The following KCNMB3 variants were observed in gnomAD, a reference collection of about 807,000 sequenced individuals.
The protein encoded by KCNMB3 is potassium calcium-activated channel subfamily M regulatory beta subunit 3, also known as calcium-activated potassium channel subunit beta-3.
KCNMB3 carries 18 observed loss-of-function variants against 11.9 expected under a neutral mutation model. The observed-to-expected ratio is 1.51, with a 90% CI of 1.04 to 2.23. KCNMB3 has a LOEUF of 2.23. Ranked by LOEUF, KCNMB3 falls within the 30% of genes most tolerant of loss-of-function variation. The pLI, the probability that KCNMB3 is intolerant of heterozygous loss-of-function variation, is 0.00. For synonymous variants in KCNMB3, 78 were observed against 119.2 expected (o/e 0.65, Z 2.25); for missense variants, 247 against 329.4 (o/e 0.75, Z 1.94).
chr3:179,266,823 G>A (rs1234543290), exon 1 of KCNMB3: 2 of 1,470,190 alleles, frequency 1.4e-6, no homozygotes, highest in East Asian at 2.5e-5. Context: ...GGAGCCCCCA[G>A]CCCCCAGCGC....
chr3:179,260,658 T>C (rs1726176642), intron 1 of KCNMB3: 3 of 1,332,140 alleles, frequency 2.3e-6, no homozygotes, highest in African/African-American at 1.4e-5. Context: ...GTCTCTCCAT[T>C]GGTAACTATT....
At chr3:179,259,633 T>G in intron 1 of KCNMB3, 1 of 1,608,982 alleles carries the variant, frequency 6.2e-7, no homozygotes, top group Non-Finnish European at 8.5e-7. Flanking sequence ...TCTTCCTTAA[T>G]TTCACTTAAA....
At chr3:179,247,901 C>T (rs970609891) in intron 1 of KCNMB3, among the ~76,000 whole-genome samples, 6 of 152,058 alleles carry the variant, frequency 3.9e-5, no homozygotes, top group African/African-American at 1.4e-4. Context: ...AGGCCTTCCT[C>T]TTCCACTCCC....
At chr3:179,262,557 C>G (rs1726252534) in intron 1 of KCNMB3, among the ~76,000 whole-genome samples, 1 of 152,224 alleles carries the variant, frequency 6.6e-6, no homozygotes, top group South Asian at 2.1e-4. Context: ...TGGAAAGGGA[C>G]CTGAGCAGGT....
rs143174733 is a variant in KCNMB3 at position 179,262,337 on chromosome 3, C to T, written c.62+4312G>A. Among the ~76,000 whole-genome samples the T allele has an allele frequency of 6.6e-3, 1,002 of 152,224 alleles. 7 individuals carry two copies. The highest frequency in any genetic ancestry group is 0.01 in the Non-Finnish European group (706 of 68,028). ...GTCTCACCGACTTCAAGAATGAAGC[C>T]GCGGACCTTCGCAGTGAGTGTTATA... is the stretch of plus-strand genomic sequence containing the variant. On this transcript the variant is annotated intron_variant, in intron 1 of 3. Transcript: ENST00000349697.
chr3:179,251,904 T>C (rs143224481), upstream of KCNMB3, among the ~76,000 whole-genome samples: 14 of 152,252 alleles, frequency 9.2e-5, no homozygotes, highest in East Asian at 2.7e-3. Context: ...GTATTTTAAG[T>C]AGAGACAGTG....
downstream of KCNMB3, chr3:179,241,212 C>T (rs1725446991): frequency 2.0e-5 from 3 of 152,006 alleles, no homozygotes; most frequent in African/African-American, 7.2e-5. Flanking sequence ...TAAAGTTTCA[C>T]CTGCCCTACT....
chr3:179,264,846 C>T (rs1468920), intron 1 of KCNMB3, among the ~76,000 whole-genome samples: 62,183 of 152,100 alleles, frequency 0.41, 15,231 homozygotes, highest in African/African-American at 0.69. Flanking sequence ...CCCTGTAATT[C>T]GTTTTGGTTA....
At chr3:179,246,597 A>G (rs1398343981) in intron 1 of KCNMB3, among the ~76,000 whole-genome samples, 1 of 152,196 alleles carries the variant, frequency 6.6e-6, no homozygotes, top group East Asian at 1.9e-4. Context: ...CCAAAGAAAA[A>G]ATACTGGGCA....
chr3:179,262,711 C>T (rs7619958), intron 1 of KCNMB3, among the ~76,000 whole-genome samples: 14,180 of 152,076 alleles, frequency 0.093, 1,014 homozygotes, highest in African/African-American at 0.2. Flanking sequence ...CTGATTGGTG[C>T]GTTTACAATC....
intron 1 of KCNMB3, among the ~76,000 whole-genome samples, chr3:179,258,336 T>C (rs1726091110): frequency 6.6e-6 from 1 of 152,226 alleles, no homozygotes; most frequent in Non-Finnish European, 1.5e-5. Flanking sequence ...ACAAAGTAAA[T>C]TCAAGTATCA....
chr3:179,260,065 C>A (rs2108455903), intron 1 of KCNMB3: 1 of 1,610,104 alleles, frequency 6.2e-7, no homozygotes, highest in Non-Finnish European at 8.5e-7. Flanking sequence ...TGTTGGGGGA[C>A]CTCTACCATA....
upstream of KCNMB3, among the ~76,000 whole-genome samples, chr3:179,253,126 A>G (rs1166831361): frequency 2.0e-5 from 3 of 152,134 alleles, no homozygotes; most frequent in Admixed American, 6.5e-5. Context: ...CCAGGACCCA[A>G]TATCCTGCAT....
chr3:179,245,354 A>G (rs543809467), intron 1 of KCNMB3, among the ~76,000 whole-genome samples: 7 of 152,316 alleles, frequency 4.6e-5, no homozygotes, highest in African/African-American at 1.7e-4. Flanking sequence ...CAAATCATAC[A>G]TGGAATCTCT....
chr3:179,240,741 AAC>A (rs1235925665), downstream of KCNMB3: 1 of 152,092 alleles, frequency 6.6e-6, no homozygotes, highest in Admixed American at 6.6e-5. Flanking sequence ...TGGTAATTGA[AAC>A]ACACGCTTTA....
intron 1 of KCNMB3, among the ~76,000 whole-genome samples, 173 bp downstream of exon 1, chr3:179,250,570 C>G (rs1725801189): frequency 1.3e-5 from 2 of 152,164 alleles, no homozygotes; most frequent in African/African-American, 4.8e-5. Context: ...ACCTCTTCCT[C>G]CACACCCAGC....
downstream of KCNMB3, chr3:179,242,253 G>A (rs1387122318): frequency 6.6e-6 from 1 of 152,148 alleles, no homozygotes; most frequent in African/African-American, 2.4e-5. Context: ...AAATTAGCTG[G>A]GCGTGGTGGT....
At chr3:179,263,876 G>C (rs1726301007) in intron 1 of KCNMB3, among the ~76,000 whole-genome samples, 1 of 126,794 alleles carries the variant, frequency 7.9e-6, no homozygotes, top group South Asian at 2.7e-4. Context: ...CATGATCTCA[G>C]CTCACTACAA....
At chr3:179,258,488 C>T (rs1726096317) in intron 1 of KCNMB3, among the ~76,000 whole-genome samples, 1 of 152,138 alleles carries the variant, frequency 6.6e-6, no homozygotes, top group South Asian at 2.1e-4. Context: ...TTTCAGTGAC[C>T]TATTTGCTAT....
Sources: gnomAD v4.1 joint callset for allele counts (sites outside exome capture counted in the v4.1 genomes callset) on GRCh38, gnomAD v4.1.1 for gene constraint, MANE v1.5 for transcripts, NCBI Gene and HGNC (gene_info 2026-07-23, HGNC 2026-07-21) for gene names.